RCAN2: variants seen among roughly 807,000 people sequenced by gnomAD.
RCAN2 encodes calcipressin-2.
Under a neutral mutation model 23.6 loss-of-function variants are expected in RCAN2, and 9 were observed. The ratio of observed to expected loss-of-function variants is 0.38; its 90% confidence interval spans 0.23 to 0.67. The LOEUF (loss-of-function observed/expected upper bound fraction) is 0.67, where lower values mean the gene tolerates loss of function less well. Among genes scored for constraint, RCAN2 ranks in the 30% least tolerant of loss-of-function variants. The probability of loss-of-function intolerance (pLI) is 0.51; values close to 1 mark genes in which losing one functional copy is unlikely to be tolerated. For missense variants in RCAN2, 273 were observed against 302.3 expected (o/e 0.90, Z 0.72); for synonymous variants, 109 against 115.7 (o/e 0.94, Z 0.37).
At chr6:46,460,058 T>TG (rs1768165057) in intron 1 of RCAN2, among the ~76,000 whole-genome samples, 2 of 151,072 alleles carry the variant, frequency 1.3e-5, no homozygotes, top group South Asian at 4.2e-4. Flanking sequence ...CTGTTGTTGT[T>TG]TTTTTTTTCC....
intron 2 of RCAN2, among the ~76,000 whole-genome samples, chr6:46,366,150 C>A (rs144853267): frequency 2.0e-5 from 3 of 152,162 alleles, no homozygotes; most frequent in African/African-American, 7.2e-5. Context: ...ACCAATACAG[C>A]GTGGTTACTT....
At chr6:46,228,900 G>T (rs1765775368) in intron 4 of RCAN2, among the ~76,000 whole-genome samples, 2 of 152,164 alleles carry the variant, frequency 1.3e-5, no homozygotes, top group Admixed American at 6.5e-5. Flanking sequence ...TTTTGCAGTG[G>T]CTGGTACCAG....
intron 2 of RCAN2, among the ~76,000 whole-genome samples, chr6:46,276,451 C>A (rs1767708513): frequency 6.6e-6 from 1 of 152,158 alleles, no homozygotes; most frequent in Admixed American, 6.5e-5. Flanking sequence ...ACTAGGAGCT[C>A]TGTGGTCCTA....
intron 4 of RCAN2, among the ~76,000 whole-genome samples, chr6:46,232,308 T>G (rs186725664): frequency 1.3e-5 from 2 of 152,364 alleles, no homozygotes; most frequent in Admixed American, 1.3e-4. Flanking sequence ...CTAAAATATT[T>G]TGGCATTTTA....
chr6:46,306,355 C>T (rs1007096536), intron 2 of RCAN2, among the ~76,000 whole-genome samples: 3 of 152,132 alleles, frequency 2.0e-5, no homozygotes, highest in Non-Finnish European at 4.4e-5. Flanking sequence ...ACTTCTAGAC[C>T]AATGGCTGTC....
Position 46,312,077 on chromosome 6 carries a change from C to T in RCAN2, c.226-63181G>A, listed in dbSNP as rs1763281725. Among the ~76,000 whole-genome samples the T allele has an allele frequency of 2.6e-5, 4 of 152,100 alleles. No individual in the cohort carries two copies. The South Asian group carries it at 8.3e-4, about 32-fold the overall frequency. On this transcript the variant is annotated intron_variant, in intron 2 of 4. Transcript: ENST00000371374. ...TCCGCCTCTTCTTCCATCCTGCTGC[C>T]CTCATCCAACCTTTATTCAGCACCT...
chr6:46,261,025 C>A (rs1767092976), intron 2 of RCAN2, among the ~76,000 whole-genome samples: 1 of 152,184 alleles, frequency 6.6e-6, no homozygotes, highest in South Asian at 2.1e-4. Context: ...TGGCTCAGGG[C>A]ATTTCCTAAA....
At chr6:46,368,784 T>TGA (rs1179830141) in intron 2 of RCAN2, among the ~76,000 whole-genome samples, 2 of 151,894 alleles carry the variant, frequency 1.3e-5, no homozygotes, top group African/African-American at 2.4e-5. Flanking sequence ...AGTCAGGGAG[T>TGA]GAGTGGCGAG....
At chr6:46,483,518 T>A (rs1012101293) in intron 1 of RCAN2, among the ~76,000 whole-genome samples, 1 of 152,166 alleles carries the variant, frequency 6.6e-6, no homozygotes, top group Non-Finnish European at 1.5e-5. Flanking sequence ...CCCCACAGTG[T>A]TCATGTGTTG....
intron 2 of RCAN2, among the ~76,000 whole-genome samples, chr6:46,432,363 G>A (rs1361001279): frequency 3.3e-5 from 5 of 151,942 alleles, no homozygotes; most frequent in Admixed American, 2.0e-4. Context: ...ACAGGCATGT[G>A]CCACCATGCC....
chr6:46,411,015 C>T (rs1766536634), intron 2 of RCAN2, among the ~76,000 whole-genome samples: 1 of 152,184 alleles, frequency 6.6e-6, no homozygotes, highest in African/African-American at 2.4e-5. Flanking sequence ...TTAACAAACA[C>T]TTAGCCTTCA....
At chr6:46,423,481 C>T (rs536140334) in intron 2 of RCAN2, among the ~76,000 whole-genome samples, 2 of 152,342 alleles carry the variant, frequency 1.3e-5, no homozygotes, top group East Asian at 1.9e-4. Flanking sequence ...TTATCCACAA[C>T]TCTGGTGAGC....
intron 2 of RCAN2, among the ~76,000 whole-genome samples, chr6:46,339,997 T>C (rs1764258851): frequency 6.6e-6 from 1 of 152,150 alleles, no homozygotes; most frequent in African/African-American, 2.4e-5. Context: ...ATAAATAATT[T>C]ATTTATCCTT....
At chr6:46,455,771 G>C (rs1768002791) in intron 2 of RCAN2, among the ~76,000 whole-genome samples, 1 of 151,444 alleles carries the variant, frequency 6.6e-6, no homozygotes, top group Admixed American at 6.6e-5. Context: ...CAGGAGAATG[G>C]CGTGAACCCA....
intron 2 of RCAN2, among the ~76,000 whole-genome samples, chr6:46,256,786 AG>A (rs1205784709): frequency 2.6e-5 from 4 of 152,242 alleles, no homozygotes; most frequent in African/African-American, 7.2e-5. Context: ...GAAGAGAAAA[AG>A]GGGGAAACAA....
intron 1 of RCAN2, among the ~76,000 whole-genome samples, chr6:46,487,561 A>C (rs1158925220): frequency 6.6e-6 from 1 of 152,208 alleles, no homozygotes; most frequent in African/African-American, 2.4e-5. Flanking sequence ...GTACTGCTTC[A>C]ATCCTCACAA....
At chr6:46,243,178 G>A (rs958997632) in intron 4 of RCAN2, among the ~76,000 whole-genome samples, 12 of 152,178 alleles carry the variant, frequency 7.9e-5, no homozygotes, top group Non-Finnish European at 1.5e-4. Flanking sequence ...GATTGTTGCA[G>A]CTGAAACAAC....
At chr6:46,231,031 T>C (rs558062728) in intron 4 of RCAN2, among the ~76,000 whole-genome samples, 3 of 152,306 alleles carry the variant, frequency 2.0e-5, no homozygotes, top group Admixed American at 6.5e-5. Flanking sequence ...TGTTATTGGT[T>C]GAATTGAGTC....
At chr6:46,276,222 A>AACAAAACAAG (rs1767695786) in intron 2 of RCAN2, among the ~76,000 whole-genome samples, 1 of 151,646 alleles carries the variant, frequency 6.6e-6, no homozygotes, top group Non-Finnish European at 1.5e-5. Context: ...CTAAAAACAA[A>AACAAAACAAG]ACAAAACAAA....
Sources: allele counts gnomAD v4.1 joint callset (sites outside exome capture counted in the v4.1 genomes callset), GRCh38; gene constraint gnomAD v4.1.1; transcripts MANE v1.5; gene names NCBI Gene and HGNC (gene_info 2026-07-23, HGNC 2026-07-21).